The following SETDB1 variants were observed in gnomAD, a reference collection of about 807,000 sequenced individuals.
SETDB1 encodes the protein histone-lysine N-methyltransferase SETDB1.
Under a neutral mutation model 137.4 loss-of-function variants are expected in SETDB1, and 31 were observed. The observed-to-expected ratio is 0.23, with a 90% CI of 0.17 to 0.30. The LOEUF (loss-of-function observed/expected upper bound fraction) is 0.30, where lower values mean the gene tolerates loss of function less well. Among genes scored for constraint, SETDB1 ranks in the 10% least tolerant of loss-of-function variants. The pLI, the probability that SETDB1 is intolerant of heterozygous loss-of-function variation, is 1.00. For synonymous variants in SETDB1, 548 were observed against 579.9 expected (o/e 0.95, Z 0.79); for missense variants, 1,113 against 1,631.5 (o/e 0.68, Z 5.47).
At chr1:150,934,252 C>A (rs587736828) in intron 3 of SETDB1, among the ~76,000 whole-genome samples, 1 of 152,198 alleles carries the variant, frequency 6.6e-6, no homozygotes, top group South Asian at 2.1e-4. Context: ...ACGGGCAGAT[C>A]ACGAGGTCAG....
intron 15 of SETDB1, 143 bp downstream of exon 15, chr1:150,959,490 T>C (rs1256109731): frequency 8.9e-6 from 6 of 676,530 alleles, no homozygotes; most frequent in African/African-American, 1.8e-5. Context: ...AAGAACGTGA[T>C]GAGTGATGTA....
intron 3 of SETDB1, among the ~76,000 whole-genome samples, chr1:150,937,892 T>C (rs920948933): frequency 6.6e-6 from 1 of 152,034 alleles, no homozygotes; most frequent in Non-Finnish European, 1.5e-5. Flanking sequence ...GGTATACACA[T>C]ACACCCATGT....
chr1:150,927,046 T>G (rs1422739510), intron 1 of SETDB1, among the ~76,000 whole-genome samples: 2 of 152,204 alleles, frequency 1.3e-5, no homozygotes, highest in African/African-American at 2.4e-5. Flanking sequence ...TACAAAGATT[T>G]ATCACATTAG....
chr1:150,962,478 A>C, intron 17 of SETDB1, 109 bp from the exon 18 acceptor site: 1 of 1,056,724 alleles, frequency 9.5e-7, no homozygotes, highest in Non-Finnish European at 1.4e-6. Context: ...TGTCCAGCCC[A>C]GTGCCTGTCT....
chr1:150,945,270 G>A lies in SETDB1; in HGVS notation c.1140+162G>A, dbSNP rs1466691194. 2.1e-6 allele frequency: 3 copies of A among 1,459,582 alleles called. No individual in the cohort carries two copies. In the African/African-American group the frequency reaches 4.3e-5, roughly 21 times the overall value. 90.4% of individuals were successfully genotyped at this position (1,459,582 alleles called of 1,614,324 possible). A position where few individuals can be genotyped will look rare whatever the true frequency, so the allele number is the denominator to read the frequency against. ...CAAATTTTACTTTGCCCTTTTTGTT[G>A]TTCCTCTGCAGGTCATTGTTGAAAA... is the stretch of plus-strand genomic sequence containing the variant. On this transcript the variant is annotated intron_variant, in intron 9 of 21. Transcript: ENST00000692827.
At chr1:150,940,569 G>T (rs1245161319) in intron 4 of SETDB1, among the ~76,000 whole-genome samples, 1 of 116,956 alleles carries the variant, frequency 8.6e-6, no homozygotes, top group Non-Finnish European at 1.8e-5. Context: ...CTCTGTCTCA[G>T]AAAAAAAAAA....
rs1670862241 is a variant in SETDB1 at position 150,962,717 on chromosome 1, G to A, written c.3292G>A (p.Asp1098Asn). Residue 1098 changes from aspartate (D) to asparagine (N), a missense_variant and splice_region_variant, in exon 18 of 22, where the codon GAT becomes AAT. Physicochemically the swap from Asp to Asn is conservative, Grantham distance 23 (BLOSUM62 1). Transcript: ENST00000692827. ...CATGGCTTCTGCTCAGTCCAACCCT[G>A]ATGTAAGTCACCTCAAGCTTATTCA... ...RLMASAQSNP[D>N]DVLTLSSSTE... 6.2e-7 allele frequency: 1 copy of A among 1,613,670 alleles called. No individual in the cohort carries two copies. The highest frequency in any genetic ancestry group is 2.2e-5 in the East Asian group (1 of 44,866).
At position 150,951,368 on chromosome 1, in the gene SETDB1, C is replaced by T. The variant is rs760066298; in HGVS notation, c.2220C>T (p.Ser740=). Residue 740 remains serine, a synonymous_variant, in exon 14 of 22, where the codon TCC becomes TCT. Transcript: ENST00000692827. The part of the protein sequence containing the change: ...CDCKDGCRDK[S]KCACHQLTIQ... ...TTTATTTCCCTCTGTCATATAGGTCCAAGTGTGCCTGCCATCAACTAACTA... is the reference window on the plus strand; with the variant it reads ...TTTATTTCCCTCTGTCATATAGGTCTAAGTGTGCCTGCCATCAACTAACTA... The T allele has an allele frequency of 6.2e-7, 1 of 1,605,476 alleles. No homozygotes were observed. Among genetic ancestry groups the T allele is most frequent in the East Asian group, 2.2e-5 (1 of 44,838 alleles).
intron 12 of SETDB1, among the ~76,000 whole-genome samples, chr1:150,949,856 G>A (rs1320756501): frequency 6.6e-6 from 1 of 152,066 alleles, no homozygotes; most frequent in Non-Finnish European, 1.5e-5. Context: ...ACACGCAGCA[G>A]ACCAAAAAAA....
chr1:150,953,486 A>G (rs1670554196), intron 14 of SETDB1, among the ~76,000 whole-genome samples: 1 of 150,588 alleles, frequency 6.6e-6, no homozygotes, highest in Non-Finnish European at 1.5e-5. Flanking sequence ...AGACCGCACC[A>G]TTGCACTCCA....
chr1:150,949,612 T>C, intron 12 of SETDB1, 87 bp downstream of exon 12: 1 of 1,230,246 alleles, frequency 8.1e-7, no homozygotes, highest in Non-Finnish European at 1.2e-6. Context: ...AGCGAAGGGC[T>C]TAGTTTAAGC....
Position 150,963,793 on chromosome 1 carries a change from A to G in SETDB1, c.3672+52A>G, listed in dbSNP as rs1169448963. 8 of 1,560,266 alleles carry G rather than the reference A, an allele frequency of 5.1e-6. No homozygotes were observed. In the Admixed American group the frequency reaches 1.2e-4, roughly 23 times the overall value. On this transcript the variant is annotated intron_variant, in intron 20 of 21. Transcript: ENST00000692827. ...TGCTGGATTATCCCATGGTCCTCAGATTTCTTTTAACATACTCTATAAGCC... is the reference window on the plus strand; with the variant it reads ...TGCTGGATTATCCCATGGTCCTCAGGTTTCTTTTAACATACTCTATAAGCC...
intron 10 of SETDB1, among the ~76,000 whole-genome samples, chr1:150,948,102 C>G (rs1358295429): frequency 6.6e-6 from 1 of 151,682 alleles, no homozygotes; most frequent in African/African-American, 2.4e-5. Flanking sequence ...GTGGTGTGCA[C>G]CTGTAGCCTT....
intron 7 of SETDB1, among the ~76,000 whole-genome samples, chr1:150,943,654 C>T (rs587771309): frequency 4.6e-4 from 70 of 152,172 alleles, no homozygotes; most frequent in African/African-American, 1.6e-3. Context: ...CCAGCCTGGG[C>T]GACAGAAGGA....
chr1:150,941,124 T>C (rs1270340644), intron 4 of SETDB1, among the ~76,000 whole-genome samples: 1 of 152,002 alleles, frequency 6.6e-6, no homozygotes, highest in African/African-American at 2.4e-5. Context: ...GATTGTGCCA[T>C]TGCACTCCAG....
At chr1:150,951,950 C>A (rs1670499301) in intron 14 of SETDB1, among the ~76,000 whole-genome samples, 1 of 152,030 alleles carries the variant, frequency 6.6e-6, no homozygotes, top group African/African-American at 2.4e-5. Flanking sequence ...GAGTTTGAGA[C>A]CAGCCTGGCC....
At position 150,928,177 on chromosome 1, in the gene SETDB1, C is replaced by T. The variant is rs976809740; in HGVS notation, c.260+203C>T. 1.9e-5 allele frequency: 11 copies of T among 572,966 alleles called. No homozygotes were observed. In the South Asian group the frequency reaches 2.4e-4, roughly 12 times the overall value. The allele number at this position is 572,966 out of a possible 1,614,324, so 35.5% of individuals were successfully genotyped here. On this transcript the variant is annotated intron_variant, in intron 2 of 21. Coordinates refer to ENST00000692827, the MANE Select transcript of SETDB1 (RefSeq NM_001366418.1). ...GGTTCAAGTGATTCTCCCACCTCCC[C>T]CTCCCGAGTAGCTGGAATTATAGGC...
intron 3 of SETDB1, chr1:150,930,586 T>A (rs1669699410): frequency 7.9e-6 from 1 of 126,978 alleles, no homozygotes; most frequent in Non-Finnish European, 1.6e-5. Context: ...TGGAGTGCAG[T>A]GGCGCAATCT....
At chr1:150,943,108 T>C in intron 7 of SETDB1, 55 bp downstream of exon 7, 1 of 1,272,992 alleles carries the variant, frequency 7.9e-7, no homozygotes. Flanking sequence ...GCACCTGCCC[T>C]GTTCGTGCCA....
Sources: gnomAD v4.1 joint callset for allele counts (sites outside exome capture counted in the v4.1 genomes callset) on GRCh38, gnomAD v4.1.1 for gene constraint, MANE v1.5 for transcripts, NCBI Gene and HGNC (gene_info 2026-07-23, HGNC 2026-07-21) for gene names.